Variants in SGCD observed in about 807,000 individuals in gnomAD.
SGCD encodes sarcoglycan delta.
In SGCD, 18 loss-of-function variants were observed where a neutral mutation model predicts 36.6. The ratio of observed to expected loss-of-function variants is 0.49; its 90% CI spans 0.34 to 0.73. The LOEUF is 0.73. Ranked by LOEUF, SGCD falls within the 30% of genes least tolerant of loss-of-function variation. SGCD has a pLI of 0.01. For synonymous variants in SGCD, 133 were observed against 130.6 expected (o/e 1.02, Z -0.12); for missense variants, 387 against 346.7 (o/e 1.12, Z -0.92).
intron 3 of SGCD, among the ~76,000 whole-genome samples, chr5:156,291,123 A>C (rs1040933079): frequency 4.6e-5 from 7 of 152,128 alleles, no homozygotes; most frequent in Admixed American, 1.3e-4. Context: ...GATGGTATTG[A>C]GTTGGTTCAG....
intron 4 of SGCD, among the ~76,000 whole-genome samples, chr5:156,536,889 C>T (rs1200067249): frequency 2.6e-5 from 4 of 152,166 alleles, no homozygotes; most frequent in African/African-American, 9.7e-5. Flanking sequence ...TGTCTGGGCC[C>T]TCATCATCTT....
At chr5:156,014,927 G>C (rs1402887884) in intron 1 of SGCD, among the ~76,000 whole-genome samples, 2 of 152,140 alleles carry the variant, frequency 1.3e-5, no homozygotes, top group African/African-American at 2.4e-5. Context: ...TACCATGTAA[G>C]CGATGCTATG....
At chr5:156,287,627 TTGTGTGTGTGTGTGTGTGTGTGTG>T (rs70982002) in intron 3 of SGCD, among the ~76,000 whole-genome samples, 2 of 146,288 alleles carry the variant, frequency 1.4e-5, no homozygotes, top group Admixed American at 6.8e-5. Flanking sequence ...TTCCGTTTCT[TTGTGTGTGTGTGTGTGTGTGTGTG>T]TGTGTGTGTG....
At chr5:155,933,841 C>A (rs1363130473) in intron 1 of SGCD, among the ~76,000 whole-genome samples, 1 of 152,142 alleles carries the variant, frequency 6.6e-6, no homozygotes, top group Non-Finnish European at 1.5e-5. Context: ...TCAGTCATCC[C>A]TAGGTTATCT....
At chr5:156,121,342 G>C (rs576783349) in intron 2 of SGCD, among the ~76,000 whole-genome samples, 1 of 152,218 alleles carries the variant, frequency 6.6e-6, no homozygotes, top group South Asian at 2.1e-4. Flanking sequence ...ACATCCTAGA[G>C]GGATAGGTAT....
the SGCD span, among the ~76,000 whole-genome samples, chr5:155,756,700 A>G: frequency 6.6e-6 from 1 of 152,336 alleles, no homozygotes; most frequent in African/African-American, 2.4e-5. Flanking sequence ...ATATAAAAAC[A>G]TTACTGGTTT....
At chr5:156,477,168 C>T (rs978644948) in intron 3 of SGCD, among the ~76,000 whole-genome samples, 2 of 151,988 alleles carry the variant, frequency 1.3e-5, no homozygotes, top group Non-Finnish European at 2.9e-5. Flanking sequence ...TTAAGGAATC[C>T]TTTAGTATTG....
chr5:155,938,332 A>G (rs2113404794), intron 1 of SGCD, among the ~76,000 whole-genome samples: 1 of 152,304 alleles, frequency 6.6e-6, no homozygotes, highest in South Asian at 2.1e-4. Context: ...GCCCCAGGAT[A>G]AGAATGCTTA....
chr5:156,246,875 A>G (rs752303286), intron 3 of SGCD, among the ~76,000 whole-genome samples: 2 of 152,172 alleles, frequency 1.3e-5, no homozygotes, highest in African/African-American at 2.4e-5. Flanking sequence ...CCTCTTAATA[A>G]TGACCACTTT....
At chr5:156,521,026 A>G (rs1183543488) in intron 4 of SGCD, among the ~76,000 whole-genome samples, 1 of 150,536 alleles carries the variant, frequency 6.6e-6, no homozygotes, top group African/African-American at 2.4e-5. Flanking sequence ...CAAAAAAAAA[A>G]AAAAAAAAAA....
At position 156,581,175 on chromosome 5, in the gene SGCD, G is replaced by A. The variant is rs113442559; in HGVS notation, c.295-8056G>A. On this transcript the variant is annotated intron_variant, in intron 4 of 8. Transcript: ENST00000337851. ...CACGTCCCTCAGCTGCAGGTCTTTT[G>A]GAGTTTGCTGGAGGTCCACTCCAGA... 2.6e-3 allele frequency among the ~76,000 whole-genome samples: 391 copies of A among 152,316 alleles called. 2 individuals carry two copies. Among genetic ancestry groups the A allele is most frequent in the African/African-American group, 8.9e-3 (368 of 41,574 alleles).
Position 156,759,243 on chromosome 5 carries a change from G to C in SGCD, c.726G>C (p.Arg242Ser), listed in dbSNP as rs765862745. The change falls in exon 9 of 9, where the codon AGG (arginine) becomes AGC (serine). Residue 242 changes from arginine to serine, a missense_variant. Physicochemically the swap from Arg to Ser is moderately radical, Grantham distance 110. Transcript: ENST00000337851. ...GEIKLDAAKI[R>S]LPRLPHGSYT... Reference sequence around the variant, plus strand: ...TTAAGTTAGATGCTGCGAAAATCAGGCTACCTAGACTGCCTCATGGATCCT... The same window carrying C: ...TTAAGTTAGATGCTGCGAAAATCAGCCTACCTAGACTGCCTCATGGATCCT... 1 of 1,613,748 alleles carries C rather than the reference G, an allele frequency of 6.2e-7. No individual in the cohort carries two copies. The highest frequency in any genetic ancestry group is 1.1e-5 in the South Asian group (1 of 91,054).
At chr5:156,444,051 A>T (rs1753620946) in intron 3 of SGCD, among the ~76,000 whole-genome samples, 1 of 120,900 alleles carries the variant, frequency 8.3e-6, no homozygotes, top group African/African-American at 3.3e-5. Flanking sequence ...CGCTTTGGAG[A>T]CTCTTTCTCT....
chr5:156,384,903 C>G (rs1771192065), intron 3 of SGCD, among the ~76,000 whole-genome samples: 1 of 152,160 alleles, frequency 6.6e-6, no homozygotes, highest in African/African-American at 2.4e-5. Flanking sequence ...CAAGGTGAAC[C>G]TGCAGTTCTC....
At chr5:156,004,823 G>T (rs1428653678) in intron 1 of SGCD, among the ~76,000 whole-genome samples, 2 of 152,214 alleles carry the variant, frequency 1.3e-5, no homozygotes, top group Non-Finnish European at 2.9e-5. Context: ...TAGCCAAACT[G>T]AATTAATCCC....
intron 3 of SGCD, among the ~76,000 whole-genome samples, chr5:156,137,415 A>G (rs1405934241): frequency 6.6e-6 from 1 of 152,204 alleles, no homozygotes; most frequent in African/African-American, 2.4e-5. Context: ...ACATGTAGAA[A>G]AATAATTTAA....
chr5:156,680,023 G>A (rs1009799672), intron 7 of SGCD, among the ~76,000 whole-genome samples: 2 of 152,194 alleles, frequency 1.3e-5, no homozygotes, highest in Admixed American at 6.5e-5. Flanking sequence ...TATTCAAAGT[G>A]TAATTAGGAT....
At chr5:156,103,169 A>T (rs1423701362) in intron 1 of SGCD, among the ~76,000 whole-genome samples, 1 of 152,166 alleles carries the variant, frequency 6.6e-6, no homozygotes, top group Non-Finnish European at 1.5e-5. Flanking sequence ...CTAGTATTTC[A>T]AATCCAGATT....
intron 1 of SGCD, among the ~76,000 whole-genome samples, chr5:155,957,269 T>C (rs1269695557): frequency 6.6e-6 from 1 of 152,066 alleles, no homozygotes; most frequent in Non-Finnish European, 1.5e-5. Flanking sequence ...CTGAGGCTGC[T>C]GGGAGCCTGG....
Sources: gnomAD v4.1 joint callset for allele counts (sites outside exome capture counted in the v4.1 genomes callset) on GRCh38, gnomAD v4.1.1 for gene constraint, MANE v1.5 for transcripts, NCBI Gene and HGNC (gene_info 2026-07-23, HGNC 2026-07-21) for gene names.